Variants in PLAGL1 observed in about 807,000 individuals in gnomAD.
The protein encoded by PLAGL1 is zinc finger protein PLAGL1.
Under a neutral mutation model 4.6 loss-of-function variants are expected in PLAGL1, and 1 was observed. The observed-to-expected ratio is 0.22, with a 90% confidence interval of 0.08 to 1.03. The LOEUF (loss-of-function observed/expected upper bound fraction) is 1.03, where lower values mean the gene tolerates loss of function less well. Among genes scored for constraint, PLAGL1 ranks in the 50% least tolerant of loss-of-function variants. The pLI, the probability that PLAGL1 is intolerant of heterozygous loss-of-function variation, is 0.58. For synonymous variants in PLAGL1, 240 were observed against 237.8 expected, an observed-to-expected ratio of 1.01 and a Z score of -0.08; for missense variants, 464 against 570.4, an observed-to-expected ratio of 0.81 and a Z score of 1.90.
At chr6:144,007,760 G>T (rs1794578790) in intron 1 of PLAGL1, 1 of 152,208 alleles carries the variant, frequency 6.6e-6, no homozygotes, top group Non-Finnish European at 1.5e-5. Context: ...TCTTTTCCTT[G>T]TTCTGTTTTT....
upstream of PLAGL1, among the ~76,000 whole-genome samples, chr6:144,011,475 C>T (rs1396852370): frequency 6.6e-6 from 1 of 152,150 alleles, no homozygotes; most frequent in African/African-American, 2.4e-5. The surrounding 1 kb of genome is among the most constrained non-coding windows in gnomAD (Gnocchi z 4.3). Context: ...AATTCTTTAA[C>T]ATTAATATAC....
At chr6:144,007,404 G>A (rs1242085126) in intron 1 of PLAGL1, 3 of 152,206 alleles carry the variant, frequency 2.0e-5, no homozygotes, top group African/African-American at 7.2e-5. Flanking sequence ...CCTGGAAGAA[G>A]GAGGACCTAA....
rs1387805877 is a variant in PLAGL1, at chr6:144,036,005, C to A, written c.-151+28463G>T. ...AGGGGCATTTCTGGGTTTTATTGTG[C>A]CTGGATGGCCATCTGATTACGTGTG... is the stretch of plus-strand genomic sequence containing the variant. On this transcript the variant is annotated intron_variant, in intron 1 of 3. Coordinates refer to the PLAGL1 transcript ENST00000437412. The surrounding 1 kb of genome is among the most constrained non-coding windows in gnomAD (Gnocchi z 5.1). Among the ~76,000 whole-genome samples, 2 of 152,158 alleles carry A rather than the reference C, an allele frequency of 1.3e-5. No individual in the cohort carries two copies. Among genetic ancestry groups the A allele is most frequent in the East Asian group, 3.9e-4 (2 of 5,178 alleles).
Position 144,061,092 on chromosome 6 carries a change from G to A in PLAGL1, c.-151+3376C>T, listed in dbSNP as rs1799355755. ...TTCAAAGAAATTTACAATTGGAAGT[G>A]GAAAGGTACTGGGTGACAGTGTGAG... is the stretch of plus-strand genomic sequence containing the variant. On this transcript the variant is annotated intron_variant, in intron 1 of 3. Transcript: ENST00000437412. This position sits in a 1 kb window ranked among gnomAD's most constrained non-coding sequence, Gnocchi z 4.4. Among the ~76,000 whole-genome samples the A allele has an allele frequency of 6.6e-6, 1 of 152,212 alleles. No individual in the cohort carries two copies. Among genetic ancestry groups the A allele is most frequent in the Non-Finnish European group, 1.5e-5 (1 of 68,038 alleles).
chr6:143,996,921 T>C (rs1791745783), intron 1 of PLAGL1, among the ~76,000 whole-genome samples: 1 of 152,124 alleles, frequency 6.6e-6, no homozygotes. Flanking sequence ...GATCTAAATG[T>C]AAAAATAAAA....
At chr6:144,041,416 A>T (rs1171755506) in intron 1 of PLAGL1, among the ~76,000 whole-genome samples, 1 of 151,700 alleles carries the variant, frequency 6.6e-6, no homozygotes, top group Non-Finnish European at 1.5e-5. Flanking sequence ...CCCACCTATG[A>T]GTGAGAACAT....
rs928763309 is a variant in PLAGL1, at chr6:144,005,055, C to T, written c.-584+3035G>A. ...TATATTATATATATACACACACCTA[C>T]ATACATTGCCTCAAAAGTCTGTGAG... On this transcript the variant is annotated intron_variant, in intron 1 of 7. Transcript: ENST00000674357. The surrounding 1 kb of genome is among the most constrained non-coding windows in gnomAD (Gnocchi z 4.6). 8 of 151,298 alleles carry T rather than the reference C, an allele frequency of 5.3e-5. No individual in the cohort carries two copies. Among genetic ancestry groups the T allele is most frequent in the African/African-American group, 1.7e-4 (7 of 41,356 alleles). 9.4% of individuals were successfully genotyped at this position (151,298 alleles called of 1,614,324 possible).
chr6:143,993,331 A>AACACACACAC (rs746624620), intron 1 of PLAGL1, among the ~76,000 whole-genome samples: 14,421 of 142,158 alleles, frequency 0.1, 783 homozygotes, highest in East Asian at 0.15. Flanking sequence ...AACAAAACAA[A>AACACACACAC]ACACACACAC....
At chr6:144,037,974 C>T (rs914098769) in intron 1 of PLAGL1, among the ~76,000 whole-genome samples, 8 of 152,134 alleles carry the variant, frequency 5.3e-5, no homozygotes, top group South Asian at 4.1e-4. Context: ...TGAACTAACT[C>T]CCACCTATGC....
At chr6:144,014,648 C>T (rs1362929292) in intron 1 of PLAGL1, among the ~76,000 whole-genome samples, 1 of 152,058 alleles carries the variant, frequency 6.6e-6, no homozygotes, top group Non-Finnish European at 1.5e-5. Context: ...GACATGATCT[C>T]GGCTCACTGC....
chr6:143,992,667 G>A (rs1027524131), intron 1 of PLAGL1, among the ~76,000 whole-genome samples: 7 of 152,306 alleles, frequency 4.6e-5, no homozygotes, highest in Admixed American at 3.9e-4. Context: ...AAATTTACTT[G>A]TAGCTCTAGG....
chr6:144,033,447 G>A (rs936586022), intron 1 of PLAGL1, among the ~76,000 whole-genome samples: 6 of 152,360 alleles, frequency 3.9e-5, no homozygotes, highest in East Asian at 1.9e-4. Context: ...GTGGGTAGAA[G>A]CTGGAAGAAT....
At chr6:144,008,835 T>G (rs1794898218), upstream of PLAGL1, 2 of 152,184 alleles carry the variant, frequency 1.3e-5, no homozygotes. This position sits in a 1 kb window ranked among gnomAD's most constrained non-coding sequence, Gnocchi z 6.9. Context: ...CGTGTAATCC[T>G]CACAGCAACA....
Position 144,004,524 on chromosome 6 carries a change from TAA to T in PLAGL1, c.-584+3564_-584+3565del, listed in dbSNP as rs1362095546. 1.3e-5 allele frequency among the ~76,000 whole-genome samples: 2 copies of T among 152,234 alleles called. No individual in the cohort carries two copies. The highest frequency in any genetic ancestry group is 4.8e-5 in the African/African-American group (2 of 41,468). The stretch of plus-strand genomic sequence containing the variant: ...TGTATGACTCCGTTTATATGAAGTT[TAA>T]AAACATTTGAAAATAATACATGGTC... On this transcript the variant is annotated intron_variant, in intron 1 of 7. Coordinates refer to ENST00000674357, the MANE Select transcript of PLAGL1 (RefSeq NM_001317162.2). The surrounding 1 kb of genome is among the most constrained non-coding windows in gnomAD (Gnocchi z 4.2).
Position 143,941,738 on chromosome 6 carries a change from T to C in PLAGL1, c.1078A>G (p.Asn360Asp). ...DLAKGNAGKVNLPKELPADAV... is the reference protein window; with the variant it reads ...DLAKGNAGKVDLPKELPADAV... ...TCTGCAGGCAGCTCCTTGGGCAGGT[T>C]TACTTTACCAGCATTTCCCTTAGCC... is the stretch of plus-strand genomic sequence containing the variant. Residue 360 changes from asparagine (N) to aspartate (D), a missense_variant, in exon 8 of 8, where the codon AAC becomes GAC. Asn to Asp is a conservative substitution (Grantham distance 23, BLOSUM62 1). Transcript: ENST00000674357. The surrounding 1 kb of genome is among the most constrained non-coding windows in gnomAD (Gnocchi z 6.0). 6.2e-7 allele frequency: 1 copy of C among 1,614,232 alleles called. No individual in the cohort carries two copies. Among genetic ancestry groups the C allele is most frequent in the Non-Finnish European group, 8.5e-7 (1 of 1,180,030 alleles).
At chr6:144,033,853 A>C (rs1400063547) in intron 1 of PLAGL1, among the ~76,000 whole-genome samples, 1 of 152,230 alleles carries the variant, frequency 6.6e-6, no homozygotes, top group Admixed American at 6.5e-5. Flanking sequence ...ATGACCCATA[A>C]CTAGAGAAAA....
Position 144,039,252 on chromosome 6 carries a change from T to C in PLAGL1, c.-151+25216A>G, listed in dbSNP as rs926535132. ...AATGGCTCAGAAACCAATGAAAAGATGGTTGACTTCATTAGTCATCAGATA... is the reference window on the plus strand; with the variant it reads ...AATGGCTCAGAAACCAATGAAAAGACGGTTGACTTCATTAGTCATCAGATA... On this transcript the variant is annotated intron_variant, in intron 1 of 3. Transcript: ENST00000437412. The surrounding 1 kb of genome is among the most constrained non-coding windows in gnomAD (Gnocchi z 4.1). Among the ~76,000 whole-genome samples the C allele has an allele frequency of 2.6e-5, 4 of 152,180 alleles. No homozygotes were observed. The highest frequency in any genetic ancestry group is 6.6e-5 in the Admixed American group (1 of 15,266).
At position 143,985,674 on chromosome 6, in the gene PLAGL1, T is replaced by G. The variant is rs1381678307; in HGVS notation, c.-583-500A>C. ...ATATGTCAAATCTTGAATGAATACT[T>G]TTAGTTTTCTGCATTAAAGGTTTAG... On this transcript the variant is annotated intron_variant, in intron 1 of 7. Coordinates refer to ENST00000674357, the MANE Select transcript of PLAGL1 (RefSeq NM_001317162.2). This position sits in a 1 kb window ranked among gnomAD's most constrained non-coding sequence, Gnocchi z 4.4. Among the ~76,000 whole-genome samples, 1 of 152,060 alleles carries G rather than the reference T, an allele frequency of 6.6e-6. No individual in the cohort carries two copies. Among genetic ancestry groups the G allele is most frequent in the East Asian group, 1.9e-4 (1 of 5,194 alleles).
chr6:144,058,188 C>A (rs949794741), intron 1 of PLAGL1, among the ~76,000 whole-genome samples: 1 of 152,162 alleles, frequency 6.6e-6, no homozygotes, highest in Non-Finnish European at 1.5e-5. Context: ...TTACTCATGG[C>A]AGAAGGTGAC....
Sources: allele counts gnomAD v4.1 joint callset (sites outside exome capture counted in the v4.1 genomes callset), GRCh38; gene constraint gnomAD v4.1.1; non-coding constraint Gnocchi (gnomAD v3.1); transcripts MANE v1.5; gene names NCBI Gene and HGNC (gene_info 2026-07-23, HGNC 2026-07-21).